Variants in MLIP observed in about 807,000 individuals in gnomAD.
MLIP encodes the protein muscular LMNA-interacting protein.
MLIP carries 79 observed loss-of-function variants against 84.8 expected under a neutral mutation model. The observed-to-expected ratio is 0.93, with a 90% CI of 0.78 to 1.12. MLIP has a LOEUF of 1.12. Among genes scored for constraint, MLIP ranks in the 50% most tolerant of loss-of-function variants. The pLI is 0.00. For missense variants in MLIP, 1,257 were observed against 1,160.6 expected (o/e 1.08, Z -1.21); for synonymous variants, 504 against 463.0 (o/e 1.09, Z -1.14).
rs1174407853 is a variant in MLIP at position 54,067,013 on chromosome 6, G to A, written c.63+47922G>A. ...TTTCATTCCCATTTTGAGGCCATAAGAGTTATTTCCAAACTAAATTATGTA... is the reference window on the plus strand; with the variant it reads ...TTTCATTCCCATTTTGAGGCCATAAAAGTTATTTCCAAACTAAATTATGTA... On this transcript the variant is annotated intron_variant, in intron 1 of 12. Coordinates refer to the MLIP transcript ENST00000274897. Among the ~76,000 whole-genome samples, 9 of 100,990 alleles carry A rather than the reference G, an allele frequency of 8.9e-5. 2 individuals are homozygous for A. The highest frequency in any genetic ancestry group is 1.4e-4 in the Non-Finnish European group (5 of 35,068). The allele number at this position is 100,990 out of a possible 152,430, so 66.3% of individuals were successfully genotyped here.
intron 9 of MLIP, among the ~76,000 whole-genome samples, chr6:54,187,901 G>A (rs1367053730): frequency 2.0e-5 from 3 of 152,100 alleles, no homozygotes; most frequent in African/African-American, 4.8e-5. Flanking sequence ...CAGGTATTCC[G>A]GAGGCTGAGC....
At chr6:54,264,144 G>T (rs975816005) in intron 13 of MLIP, among the ~76,000 whole-genome samples, 3 of 152,034 alleles carry the variant, frequency 2.0e-5, no homozygotes, top group Admixed American at 2.0e-4. Context: ...AAGCTTGCTG[G>T]CATGGCATCA....
chr6:54,121,516 A>C lies in MLIP; in HGVS notation c.166A>C (p.Thr56Pro). 6.2e-7 allele frequency: 1 copy of C among 1,614,084 alleles called. No homozygotes were observed. The highest frequency in any genetic ancestry group is 8.5e-7 in the Non-Finnish European group (1 of 1,180,000). The change falls in exon 2 of 14, where the codon ACC becomes CCC. Residue 56 changes from threonine to proline, a missense_variant. Physicochemically the swap from Thr to Pro is conservative, Grantham distance 38 (BLOSUM62 -1). Coordinates refer to ENST00000502396, the MANE Select transcript of MLIP (RefSeq NM_001281747.2). Reference sequence around the variant, plus strand: ...TGTCCCCACTGTCAGAAGACTACCAACCCATACTCAGTTGGCTGACACCTC... The same window carrying C: ...TGTCCCCACTGTCAGAAGACTACCACCCCATACTCAGTTGGCTGACACCTC... ...TFVPTVRRLP[T>P]HTQLADTSKF...
intron 5 of MLIP, among the ~76,000 whole-genome samples, chr6:54,153,253 AC>A (rs1306045120): frequency 5.9e-5 from 9 of 152,268 alleles, no homozygotes; most frequent in Middle Eastern, 6.8e-3. Flanking sequence ...AATAAAAACG[AC>A]GGCATAAAAA....
chr6:54,077,301 C>A (rs1036453833), intron 1 of MLIP, among the ~76,000 whole-genome samples: 3 of 151,802 alleles, frequency 2.0e-5, no homozygotes, highest in African/African-American at 7.3e-5. Context: ...TTGGCTGCAA[C>A]TACCCAACCC....
intron 1 of MLIP, among the ~76,000 whole-genome samples, chr6:54,082,239 C>A (rs1767206060): frequency 6.6e-6 from 1 of 152,076 alleles, no homozygotes; most frequent in Non-Finnish European, 1.5e-5. Context: ...ATCTATTCCT[C>A]TGTTGATGGG....
At chr6:54,169,317 A>C (rs531987748) in intron 8 of MLIP, among the ~76,000 whole-genome samples, 80 of 151,906 alleles carry the variant, frequency 5.3e-4, no homozygotes, top group African/African-American at 1.9e-3. Flanking sequence ...TCAATAAATA[A>C]GGAGAAATTA....
Position 54,266,004 on chromosome 6 carries a change from C to G in MLIP, c.*49C>G. On this transcript the variant is annotated 3_prime_UTR_variant, in exon 14 of 14. Transcript: ENST00000502396. ...CAGGCTGCTGAAGTTTTTTGGAATG[C>G]TGGTGCTAACCACTTGCTAGATTTA... The G allele has an allele frequency of 6.3e-7, 1 of 1,597,020 alleles. No homozygotes were observed. Among genetic ancestry groups the G allele is most frequent in the Non-Finnish European group, 8.6e-7 (1 of 1,167,868 alleles).
upstream of MLIP, among the ~76,000 whole-genome samples, chr6:54,110,459 A>G (rs185564031): frequency 6.6e-6 from 1 of 152,130 alleles, no homozygotes; most frequent in Admixed American, 6.5e-5. Context: ...ATAACACGGC[A>G]CTTATATTCA....
At chr6:54,217,771 T>C (rs1029918887) in intron 11 of MLIP, 17 of 985,012 alleles carry the variant, frequency 1.7e-5, no homozygotes, top group African/African-American at 1.2e-4. Context: ...ATCTCATTGA[T>C]AGAAACATGT....
intron 1 of MLIP, among the ~76,000 whole-genome samples, chr6:54,089,290 C>T (rs1767703881): frequency 6.6e-6 from 1 of 151,904 alleles, no homozygotes. Flanking sequence ...GCTAAAATAC[C>T]TATTTTCAGG....
intron 9 of MLIP, among the ~76,000 whole-genome samples, chr6:54,173,349 G>A (rs1775957416): frequency 6.6e-6 from 1 of 151,410 alleles, no homozygotes; most frequent in South Asian, 2.1e-4. Flanking sequence ...TTATAGCCTG[G>A]GTCCAAATTA....
chr6:54,207,410 C>CT (rs1491372072), intron 11 of MLIP, among the ~76,000 whole-genome samples: 2 of 53,388 alleles, frequency 3.7e-5, no homozygotes, highest in Non-Finnish European at 8.6e-5. Context: ...CACCTCTGCA[C>CT]CCCCCCCCCC....
chr6:54,214,322 T>A (rs952735550), intron 11 of MLIP, among the ~76,000 whole-genome samples: 2 of 152,218 alleles, frequency 1.3e-5, no homozygotes, highest in African/African-American at 4.8e-5. Flanking sequence ...GGGGAACTTG[T>A]GAATTGGTCC....
intron 13 of MLIP, among the ~76,000 whole-genome samples, chr6:54,260,452 G>A (rs930998443): frequency 1.3e-5 from 2 of 151,920 alleles, no homozygotes; most frequent in African/African-American, 4.8e-5. Context: ...AGGTGACAAA[G>A]GTATTTGTAT....
intron 9 of MLIP, among the ~76,000 whole-genome samples, chr6:54,174,799 G>A (rs1030458690): frequency 6.6e-6 from 1 of 151,838 alleles, no homozygotes; most frequent in Non-Finnish European, 1.5e-5. Flanking sequence ...TGCTTGTGGG[G>A]TATTACTGGA....
intron 13 of MLIP, among the ~76,000 whole-genome samples, chr6:54,260,025 T>C (rs1783278755): frequency 6.6e-6 from 1 of 151,956 alleles, no homozygotes; most frequent in Non-Finnish European, 1.5e-5. Flanking sequence ...TAAAAAATTA[T>C]GGAAAAGCCC....
chr6:54,127,080 C>T (rs778905651), intron 3 of MLIP, among the ~76,000 whole-genome samples: 2 of 152,090 alleles, frequency 1.3e-5, no homozygotes, highest in Non-Finnish European at 2.9e-5. Flanking sequence ...CCTTCTTTCC[C>T]TAGCTCTTCT....
In MLIP at chr6:54,160,146, C is replaced by T. The variant is rs1284781402; in HGVS notation, c.2290-221C>T. 2.0e-5 allele frequency among the ~76,000 whole-genome samples: 3 copies of T among 151,910 alleles called. No homozygotes were observed. In the East Asian group the frequency reaches 5.8e-4, roughly 29 times the overall value. ...CATATGCAGAAAACTGAAACTGGACCCCTTCCTTACACCTTATACAAAAAT... is the reference window on the plus strand; with the variant it reads ...CATATGCAGAAAACTGAAACTGGACTCCTTCCTTACACCTTATACAAAAAT... On this transcript the variant is annotated intron_variant, in intron 5 of 13. Coordinates refer to ENST00000502396, the MANE Select transcript of MLIP (RefSeq NM_001281747.2).
Sources: allele counts gnomAD v4.1 joint callset (sites outside exome capture counted in the v4.1 genomes callset), GRCh38; gene constraint gnomAD v4.1.1; transcripts MANE v1.5; gene names NCBI Gene and HGNC (gene_info 2026-07-23, HGNC 2026-07-21).